CTNNA3: variants seen among roughly 807,000 people sequenced by gnomAD.
The protein encoded by CTNNA3 is catenin alpha-3.
In CTNNA3, 76 loss-of-function variants were observed where a neutral mutation model predicts 95.7. That is an observed-to-expected ratio of 0.79 (90% CI 0.66 to 0.96). The LOEUF is 0.96. Ranked by LOEUF, CTNNA3 falls within the 40% of genes least tolerant of loss-of-function variation. The pLI, the probability that CTNNA3 is intolerant of heterozygous loss-of-function variation, is 0.00. For missense variants in CTNNA3, 1,191 were observed against 1,089.8 expected (o/e 1.09, Z -1.31); for synonymous variants, 431 against 374.4 (o/e 1.15, Z -1.74).
chr10:66,048,262 T>G (rs1178010129), intron 15 of CTNNA3, among the ~76,000 whole-genome samples: 4 of 152,182 alleles, frequency 2.6e-5, no homozygotes, highest in Non-Finnish European at 4.4e-5. Context: ...TGCATGGTAC[T>G]GGTACAGAAA....
chr10:66,969,885 T>C (rs976655543), intron 7 of CTNNA3, among the ~76,000 whole-genome samples: 1 of 152,088 alleles, frequency 6.6e-6, no homozygotes, highest in Non-Finnish European at 1.5e-5. Flanking sequence ...GTAACTCCTA[T>C]CAGAAACATC....
intron 5 of CTNNA3, among the ~76,000 whole-genome samples, chr10:67,243,809 C>T (rs561749288): frequency 6.6e-6 from 1 of 152,276 alleles, no homozygotes; most frequent in South Asian, 2.1e-4. Context: ...ACTCATGTGC[C>T]CCCTTTATAT....
chr10:66,549,519 T>C (rs533589168), intron 10 of CTNNA3, among the ~76,000 whole-genome samples: 2 of 152,272 alleles, frequency 1.3e-5, no homozygotes, highest in African/African-American at 2.4e-5. Flanking sequence ...CACTGTTTTC[T>C]TTTACCTGCT....
chr10:66,791,875 T>G (rs1840982956), intron 7 of CTNNA3, among the ~76,000 whole-genome samples: 1 of 152,218 alleles, frequency 6.6e-6, no homozygotes, highest in Admixed American at 6.5e-5. Context: ...TATCGTTGGG[T>G]TATATACTAT....
chr10:65,974,414 G>A (rs1002564416), intron 16 of CTNNA3, among the ~76,000 whole-genome samples: 5 of 152,124 alleles, frequency 3.3e-5, no homozygotes, highest in Admixed American at 3.3e-4. Context: ...CCATAAAAAG[G>A]AATGAATGAA....
intron 7 of CTNNA3, among the ~76,000 whole-genome samples, chr10:66,961,333 C>T (rs1849098559): frequency 6.6e-6 from 1 of 152,152 alleles, no homozygotes; most frequent in Admixed American, 6.5e-5. Flanking sequence ...CATCAATAAA[C>T]TCCACATTGC....
intron 9 of CTNNA3, among the ~76,000 whole-genome samples, chr10:66,765,853 T>C (rs1037987314): frequency 2.0e-5 from 3 of 152,194 alleles, no homozygotes; most frequent in Non-Finnish European, 4.4e-5. Flanking sequence ...TGTATATTCC[T>C]ATATTCTTGT....
intron 13 of CTNNA3, among the ~76,000 whole-genome samples, chr10:66,195,436 T>C (rs1364311962): frequency 6.6e-6 from 1 of 152,148 alleles, no homozygotes; most frequent in Non-Finnish European, 1.5e-5. Context: ...GTAAATAATA[T>C]TAAAATGAAT....
intron 7 of CTNNA3, among the ~76,000 whole-genome samples, chr10:66,913,280 A>AAATGAGTAC (rs1176739181): frequency 1.3e-5 from 2 of 150,712 alleles, no homozygotes; most frequent in Non-Finnish European, 3.0e-5. Flanking sequence ...AAGAAAAAAG[A>AAATGAGTAC]AATGAGTACA....
chr10:66,353,101 T>C (rs1029664122), intron 12 of CTNNA3, among the ~76,000 whole-genome samples: 10 of 152,102 alleles, frequency 6.6e-5, no homozygotes, highest in Non-Finnish European at 1.3e-4. Context: ...ATGATATATA[T>C]ATGCTTCTCT....
chr10:66,335,931 G>A (rs925001720), intron 12 of CTNNA3, among the ~76,000 whole-genome samples: 3 of 152,070 alleles, frequency 2.0e-5, no homozygotes, highest in Admixed American at 6.5e-5. Flanking sequence ...GGGCAATGGC[G>A]GGGTGCCCCT....
chr10:66,878,380 GC>G (rs1354921377), intron 7 of CTNNA3, among the ~76,000 whole-genome samples: 1 of 152,072 alleles, frequency 6.6e-6, no homozygotes, highest in East Asian at 1.9e-4. Flanking sequence ...ACAGAGCAGT[GC>G]ATACAATTTC....
At chr10:67,005,975 C>A (rs1048229997) in intron 7 of CTNNA3, among the ~76,000 whole-genome samples, 1 of 151,872 alleles carries the variant, frequency 6.6e-6, no homozygotes, top group African/African-American at 2.4e-5. Context: ...CGTGAGCCAT[C>A]GCACCCAACC....
chr10:67,727,830 C>CGT (rs1564841832), intron 1 of CTNNA3, among the ~76,000 whole-genome samples: 5 of 98,352 alleles, frequency 5.1e-5, no homozygotes, highest in Non-Finnish European at 7.3e-5. Context: ...TATTATATTA[C>CGT]ATATAATATA....
At chr10:67,279,753 T>A (rs980278897) in intron 5 of CTNNA3, among the ~76,000 whole-genome samples, 5 of 150,276 alleles carry the variant, frequency 3.3e-5, no homozygotes, top group African/African-American at 1.2e-4. Flanking sequence ...TTTCACAAAA[T>A]CTAACCTCCT....
intron 10 of CTNNA3, among the ~76,000 whole-genome samples, chr10:66,541,830 T>A (rs1027394207): frequency 6.6e-6 from 1 of 152,178 alleles, no homozygotes; most frequent in African/African-American, 2.4e-5. Context: ...TGTTAAAGAC[T>A]AATTTAAGAA....
intron 16 of CTNNA3, among the ~76,000 whole-genome samples, chr10:65,988,421 A>T (rs1450931425): frequency 6.6e-6 from 1 of 152,200 alleles, no homozygotes; most frequent in Non-Finnish European, 1.5e-5. Context: ...ATTACAATTG[A>T]TTAAAATTAA....
At chr10:66,168,584 G>T (rs1459367822) in intron 13 of CTNNA3, among the ~76,000 whole-genome samples, 2 of 152,096 alleles carry the variant, frequency 1.3e-5, no homozygotes, top group Non-Finnish European at 2.9e-5. Context: ...TCAGACCTCA[G>T]TGCAAGTATT....
intron 3 of CTNNA3, among the ~76,000 whole-genome samples, chr10:67,579,424 G>A (rs1842300298): frequency 6.6e-6 from 1 of 152,040 alleles, no homozygotes; most frequent in Admixed American, 6.6e-5. Context: ...TGGGGTATAT[G>A]TGCCACATTT....
Sources: allele counts gnomAD v4.1 joint callset (sites outside exome capture counted in the v4.1 genomes callset), GRCh38; gene constraint gnomAD v4.1.1; transcripts MANE v1.5; gene names NCBI Gene and HGNC (gene_info 2026-07-23, HGNC 2026-07-21).